DNAH12: variants seen among roughly 807,000 people sequenced by gnomAD.
The protein encoded by DNAH12 is dynein axonemal heavy chain 12.
Under a neutral mutation model 371.5 loss-of-function variants are expected in DNAH12, and 285 were observed. That is an observed-to-expected ratio of 0.77 (90% CI 0.70 to 0.85). DNAH12 has a LOEUF of 0.85. Ranked by LOEUF, DNAH12 falls within the 40% of genes least tolerant of loss-of-function variation. DNAH12 has a pLI of 0.00. For missense variants in DNAH12, 3,611 were observed against 3,689.4 expected (o/e 0.98, Z 0.55); for synonymous variants, 1,200 against 1,213.0 (o/e 0.99, Z 0.22).
intron 2 of DNAH12, among the ~76,000 whole-genome samples, chr3:57,526,363 A>G (rs1448019255): frequency 2.6e-5 from 4 of 151,894 alleles, no homozygotes; most frequent in African/African-American, 9.7e-5. Flanking sequence ...TCCATTATGT[A>G]TATGTACCAA....
chr3:57,461,881 T>C (rs561458177), intron 18 of DNAH12, among the ~76,000 whole-genome samples, 192 bp from the exon 19 acceptor site: 1 of 152,338 alleles, frequency 6.6e-6, no homozygotes, highest in East Asian at 1.9e-4. Context: ...AGAAGAACGA[T>C]TATGTAGTTT....
At chr3:57,433,004 T>TG (rs1157133436) in intron 32 of DNAH12, among the ~76,000 whole-genome samples, 1 of 152,192 alleles carries the variant, frequency 6.6e-6, no homozygotes, top group Non-Finnish European at 1.5e-5. Flanking sequence ...ATATAAACGC[T>TG]GAAGCATTCC....
chr3:57,509,861 T>TAAAAAAAAAA (rs902155403), intron 5 of DNAH12, among the ~76,000 whole-genome samples: 21 of 46,554 alleles, frequency 4.5e-4, no homozygotes, highest in African/African-American at 5.5e-4. Flanking sequence ...GACTCCATCA[T>TAAAAAAAAAA]AAAAAAAAAA....
Position 57,310,749 on chromosome 3 carries a change from C to T in DNAH12, c.10864G>A (p.Gly3622Ser), listed in dbSNP as rs1364264116. The stretch of plus-strand genomic sequence containing the variant: ...AATTCAATGTAGTCCTCATAAGTGC[C>T]TTTAGGAGGTGCAAAATAGTTTCCA... ...PSGNYFAPPKGTYEDYIEFIK... is the reference protein window; with the variant it reads ...PSGNYFAPPKSTYEDYIEFIK... Residue 3622 changes from glycine to serine, a missense_variant, in exon 67 of 74, where the codon GGC (glycine) becomes AGC (serine). Physicochemically the swap from Gly to Ser is moderately conservative, Grantham distance 56. Transcript: ENST00000495027. The T allele has an allele frequency of 6.4e-7, 1 of 1,551,302 alleles. No homozygotes were observed. Among genetic ancestry groups the T allele is most frequent in the South Asian group, 1.2e-5 (1 of 84,044 alleles).
In DNAH12 at chr3:57,374,498, A is replaced by G. The variant is rs974610407; in HGVS notation, c.8759+873T>C. On this transcript the variant is annotated intron_variant, in intron 55 of 73. Transcript: ENST00000495027. ...AAGGATAACAATAAAGGCCATTTGA[A>G]AAGTTTTTATAGTTATCAGACTAAC... Among the ~76,000 whole-genome samples, 443 of 152,316 alleles carry G rather than the reference A, an allele frequency of 2.9e-3. 2 individuals carry two copies. Among genetic ancestry groups the G allele is most frequent in the African/African-American group, 0.01 (419 of 41,574 alleles).
chr3:57,554,428 C>G, the DNAH12 span, among the ~76,000 whole-genome samples: 1 of 151,762 alleles, frequency 6.6e-6, no homozygotes, highest in African/African-American at 2.4e-5. Flanking sequence ...TCCATAATTG[C>G]AAGCAAAACA....
intron 60 of DNAH12, among the ~76,000 whole-genome samples, chr3:57,347,887 AG>A (rs1390810154): frequency 6.6e-6 from 1 of 152,190 alleles, no homozygotes; most frequent in Non-Finnish European, 1.5e-5. Context: ...TTTCCAAAAT[AG>A]GTAACATGAA....
intron 20 of DNAH12, 97 bp from the exon 21 acceptor site, chr3:57,458,317 TA>T: frequency 7.6e-7 from 1 of 1,318,950 alleles, no homozygotes; most frequent in East Asian, 2.8e-5. Flanking sequence ...CTTTTAATGT[TA>T]AAAGGTTTAT....
intron 60 of DNAH12, among the ~76,000 whole-genome samples, chr3:57,346,490 A>G (rs1436820182): frequency 6.6e-6 from 1 of 152,050 alleles, no homozygotes; most frequent in Non-Finnish European, 1.5e-5. Flanking sequence ...GGAATCATAC[A>G]AAATAGTTAA....
At position 57,502,485 on chromosome 3, in the gene DNAH12, A is replaced by G. The variant is rs959076696; in HGVS notation, c.1087-6T>C. 2 of 1,613,186 alleles carry G rather than the reference A, an allele frequency of 1.2e-6. No homozygotes were observed. The highest frequency in any genetic ancestry group is 1.7e-6 in the Non-Finnish European group (2 of 1,179,210). On this transcript the variant is annotated splice_polypyrimidine_tract_variant and splice_region_variant and intron_variant, in intron 9 of 73. Transcript: ENST00000495027. Reference sequence around the variant, plus strand: ...GAGGGGATTGTTTGGACATTCTAACACAAATAAAAATAATAACAATGTATA... The same window carrying G: ...GAGGGGATTGTTTGGACATTCTAACGCAAATAAAAATAATAACAATGTATA...
chr3:57,304,175 G>A (rs577739235), intron 69 of DNAH12, among the ~76,000 whole-genome samples: 2 of 151,532 alleles, frequency 1.3e-5, no homozygotes, highest in South Asian at 4.2e-4. Flanking sequence ...CTCTCTTTTC[G>A]GACTCAGCCT....
rs1024863856 is a variant in DNAH12 at position 57,542,167 on chromosome 3, G to T, written c.170+534C>A. Among the ~76,000 whole-genome samples, 70 of 112,724 alleles carry T rather than the reference G, an allele frequency of 6.2e-4. 4 individuals carry two copies. The highest frequency in any genetic ancestry group is 2.1e-3 in the African/African-American group (59 of 28,228). The allele number at this position is 112,724 out of a possible 152,430, so 74.0% of individuals were successfully genotyped here. On this transcript the variant is annotated intron_variant, in intron 2 of 73. Transcript: ENST00000495027. ...ATTTCCACTAAACTGGGGGGGGGGGGGGCGGTGAGTAGGATGTTGAACTCT... is the reference window on the plus strand; with the variant it reads ...ATTTCCACTAAACTGGGGGGGGGGGTGGCGGTGAGTAGGATGTTGAACTCT...
At chr3:57,325,024 G>T (rs1002922055) in intron 62 of DNAH12, among the ~76,000 whole-genome samples, 2 of 151,964 alleles carry the variant, frequency 1.3e-5, no homozygotes, top group South Asian at 2.1e-4. Context: ...GGGAAGGGGC[G>T]CCCGCCATTG....
In DNAH12 at chr3:57,408,372, A is replaced by C. The variant is rs2064101490; in HGVS notation, c.6184T>G (p.Phe2062Val). The stretch of plus-strand genomic sequence containing the variant: ...AGGTAGAATGCTACAATAGATGAGA[A>C]GATTCGGACCATAGTTTCATCACTA... ...SFSDETMVRI[F>V]SSIVAFYLRT... The change falls in exon 40 of 74, where the codon TTC (phenylalanine) becomes GTC (valine). Residue 2062 changes from phenylalanine (F) to valine (V), a missense_variant. This residue lies in a region of DNAH12 where 2,266 missense variants were observed against 2,236.9 expected (regional missense o/e 1.01). Coordinates refer to ENST00000495027, the MANE Select transcript of DNAH12 (RefSeq NM_001366028.2). 1 of 1,551,494 alleles carries C rather than the reference A, an allele frequency of 6.4e-7. No homozygotes were observed. Among genetic ancestry groups the C allele is most frequent in the East Asian group, 2.4e-5 (1 of 40,922 alleles).
intron 11 of DNAH12, among the ~76,000 whole-genome samples, chr3:57,495,990 A>C (rs766559978): frequency 2.8e-5 from 4 of 142,332 alleles, no homozygotes; most frequent in Non-Finnish European, 6.0e-5. Flanking sequence ...TTTTATATAT[A>C]TTATATATAT....
At chr3:57,534,062 G>A (rs2068942514) in intron 2 of DNAH12, among the ~76,000 whole-genome samples, 1 of 152,144 alleles carries the variant, frequency 6.6e-6, no homozygotes, top group Non-Finnish European at 1.5e-5. Context: ...ATTCCCCTCT[G>A]GCTGGGGCTG....
At chr3:57,521,854 G>A (rs1407804294) in intron 4 of DNAH12, among the ~76,000 whole-genome samples, 1 of 151,526 alleles carries the variant, frequency 6.6e-6, no homozygotes, top group South Asian at 2.1e-4. Flanking sequence ...ACCACTGCAC[G>A]CCAGCCTAGC....
At chr3:57,408,608 C>T in intron 39 of DNAH12, 73 bp from the exon 40 acceptor site, 2 of 1,368,630 alleles carry the variant, frequency 1.5e-6, no homozygotes, top group Non-Finnish European at 1.9e-6. Flanking sequence ...TATAGATCTC[C>T]CAAGAAATTT....
chr3:57,546,790 T>A (rs1224955205), upstream of DNAH12, among the ~76,000 whole-genome samples: 1 of 152,150 alleles, frequency 6.6e-6, no homozygotes, highest in Non-Finnish European at 1.5e-5. Context: ...AAGTCCCTGG[T>A]CAATTGACAT....
Sources: gnomAD v4.1 joint callset for allele counts (sites outside exome capture counted in the v4.1 genomes callset) on GRCh38, gnomAD v4.1.1 for gene constraint, gnomAD v4.1.1 regional missense constraint, MANE v1.5 for transcripts, NCBI Gene and HGNC (gene_info 2026-07-23, HGNC 2026-07-21) for gene names.